Variants in RBFOX1 observed in about 807,000 individuals in gnomAD.
The protein encoded by RBFOX1 is RNA binding protein fox-1 homolog 1.
A neutral mutation model predicts 57.7 loss-of-function variants in RBFOX1; 8 were observed. The ratio of observed to expected loss-of-function variants is 0.14; its 90% CI spans 0.08 to 0.25. The LOEUF is 0.25. Ranked by LOEUF, RBFOX1 falls within the 10% of genes least tolerant of loss-of-function variation. RBFOX1 has a pLI of 1.00. For synonymous variants in RBFOX1, 326 were observed against 222.4 expected (o/e 1.47, Z -4.15); for missense variants, 611 against 548.5 (o/e 1.11, Z -1.14).
At chr16:6,868,646 A>G (rs2060348854) in intron 3 of RBFOX1, among the ~76,000 whole-genome samples, 2 of 151,770 alleles carry the variant, frequency 1.3e-5, no homozygotes, top group Non-Finnish European at 1.5e-5. Flanking sequence ...TAATTTTTGT[A>G]TTTTTCCTAG....
chr16:6,096,166 G>C (rs1311121036), intron 1 of RBFOX1, among the ~76,000 whole-genome samples: 1 of 152,172 alleles, frequency 6.6e-6, no homozygotes, highest in Non-Finnish European at 1.5e-5. Flanking sequence ...TTGTGGCATA[G>C]TTATTTATAA....
At chr16:5,335,966 C>T (rs28533612) in intron 1 of RBFOX1, among the ~76,000 whole-genome samples, 1 of 152,030 alleles carries the variant, frequency 6.6e-6, no homozygotes, top group Non-Finnish European at 1.5e-5. Flanking sequence ...TCCTCCCAAT[C>T]AGTCTGGGAT....
chr16:6,105,561 A>G (rs556970486), intron 1 of RBFOX1, among the ~76,000 whole-genome samples: 41 of 152,192 alleles, frequency 2.7e-4, no homozygotes, highest in Non-Finnish European at 5.4e-4. Context: ...ATGAGCAGCC[A>G]AATGTCTCCT....
chr16:6,890,579 TG>T (rs1217275022), intron 3 of RBFOX1, among the ~76,000 whole-genome samples: 12 of 152,298 alleles, frequency 7.9e-5, no homozygotes, highest in African/African-American at 2.9e-4. Context: ...GATGGTAAAG[TG>T]ATAGATTTAA....
intron 2 of RBFOX1, among the ~76,000 whole-genome samples, chr16:6,448,156 CTTTTTTTTTTTT>C (rs397969435): frequency 1.3e-5 from 1 of 78,460 alleles, no homozygotes. Flanking sequence ...TCTTTTCTTT[CTTTTTTTTTTTT>C]TTTTTTTTTG....
chr16:7,369,613 T>C (rs1293095406), intron 4 of RBFOX1, among the ~76,000 whole-genome samples: 3 of 152,196 alleles, frequency 2.0e-5, no homozygotes, highest in Non-Finnish European at 2.9e-5. Context: ...CTCAATACTT[T>C]TGTCTGGAGT....
At chr16:6,908,274 G>A (rs765516853) in intron 3 of RBFOX1, among the ~76,000 whole-genome samples, 1 of 151,660 alleles carries the variant, frequency 6.6e-6, no homozygotes, top group Non-Finnish European at 1.5e-5. Context: ...GTCCTCTCCT[G>A]CGGCTCTGGG....
chr16:5,498,109 G>C (rs917702882), intron 2 of RBFOX1, among the ~76,000 whole-genome samples: 1 of 152,108 alleles, frequency 6.6e-6, no homozygotes, highest in African/African-American at 2.4e-5. Flanking sequence ...GTCACTGAAG[G>C]TCTTAGTAAG....
chr16:5,931,490 C>G (rs2059055479), intron 4 of RBFOX1, among the ~76,000 whole-genome samples: 1 of 152,066 alleles, frequency 6.6e-6, no homozygotes, highest in Admixed American at 6.6e-5. Flanking sequence ...GGTTTCCAGG[C>G]TGAAAAAGCA....
chr16:6,846,729 A>C (rs866108968), intron 3 of RBFOX1, among the ~76,000 whole-genome samples: 1 of 152,200 alleles, frequency 6.6e-6, no homozygotes, highest in Non-Finnish European at 1.5e-5. Context: ...TGAGCTCTCA[A>C]CATGATCTGC....
chr16:5,803,156 C>T (rs531600155), intron 3 of RBFOX1, among the ~76,000 whole-genome samples: 86 of 152,280 alleles, frequency 5.6e-4, no homozygotes, highest in African/African-American at 2.0e-3. Context: ...TCCCCCCATC[C>T]AAGAAACAAC....
intron 3 of RBFOX1, among the ~76,000 whole-genome samples, chr16:5,867,010 G>A (rs1047824578): frequency 3.3e-5 from 5 of 152,106 alleles, no homozygotes; most frequent in Admixed American, 2.6e-4. Flanking sequence ...TCAGTACATG[G>A]ACATTGCTCA....
chr16:7,455,900 C>T (rs1210735270), intron 4 of RBFOX1, among the ~76,000 whole-genome samples: 1 of 151,920 alleles, frequency 6.6e-6, no homozygotes, highest in African/African-American at 2.4e-5. Context: ...GATTCATTCT[C>T]TGTTTTTATT....
chr16:7,047,667 A>T (rs947824435), intron 3 of RBFOX1, among the ~76,000 whole-genome samples: 1 of 147,016 alleles, frequency 6.8e-6, no homozygotes, highest in African/African-American at 2.5e-5. Flanking sequence ...GAATTTCAGT[A>T]ACATGAAATA....
chr16:7,161,740 C>T (rs554572550), intron 4 of RBFOX1, among the ~76,000 whole-genome samples: 1 of 152,292 alleles, frequency 6.6e-6, no homozygotes, highest in Non-Finnish European at 1.5e-5. Flanking sequence ...TATGACTCAT[C>T]TTTCTAGAAT....
intron 1 of RBFOX1, among the ~76,000 whole-genome samples, chr16:6,279,361 T>G (rs1028024630): frequency 6.6e-6 from 1 of 152,192 alleles, no homozygotes; most frequent in South Asian, 2.1e-4. Flanking sequence ...TGAAAACCCT[T>G]TCTGCCTTGA....
In RBFOX1 at chr16:5,273,828, C is replaced by T. The variant is rs547752614; in HGVS notation, c.219+33723C>T. ...AGAGTTCGGGGGATGTAGTTCCTAC[C>T]TGGCTTTCCAACAGTGTGTGAGCCC... On this transcript the variant is annotated intron_variant, in intron 1 of 2. Coordinates refer to the RBFOX1 transcript ENST00000585867. 1.3e-5 allele frequency among the ~76,000 whole-genome samples: 2 copies of T among 152,258 alleles called. 1 individual carries two copies. Among genetic ancestry groups the T allele is most frequent in the South Asian group, 4.1e-4 (2 of 4,822 alleles).
At chr16:7,397,677 T>C (rs1347308811) in intron 4 of RBFOX1, among the ~76,000 whole-genome samples, 1 of 152,206 alleles carries the variant, frequency 6.6e-6, no homozygotes, top group Non-Finnish European at 1.5e-5. Context: ...AGCAAAGTGA[T>C]ATTTACATAG....
At chr16:5,906,645 C>T (rs1305483150) in intron 4 of RBFOX1, among the ~76,000 whole-genome samples, 1 of 150,870 alleles carries the variant, frequency 6.6e-6, no homozygotes, top group Non-Finnish European at 1.5e-5. Flanking sequence ...GACATGTGTA[C>T]TCTAACTTAA....
Sources: gnomAD v4.1 joint callset for allele counts (sites outside exome capture counted in the v4.1 genomes callset) on GRCh38, gnomAD v4.1.1 for gene constraint, MANE v1.5 for transcripts, NCBI Gene and HGNC (gene_info 2026-07-23, HGNC 2026-07-21) for gene names.